The following MALRD1 variants were observed in gnomAD, a reference collection of about 807,000 sequenced individuals.
MALRD1 encodes MAM and LDL-receptor class A domain-containing protein 1.
A neutral mutation model predicts 242.1 loss-of-function variants in MALRD1; 247 were observed. The observed-to-expected ratio is 1.02, with a 90% CI of 0.92 to 1.13. The LOEUF (loss-of-function observed/expected upper bound fraction) is 1.13, where lower values mean the gene tolerates loss of function less well. Among genes scored for constraint, MALRD1 ranks in the 50% most tolerant of loss-of-function variants. The pLI is 0.00. For synonymous variants in MALRD1, 995 were observed against 866.6 expected (o/e 1.15, Z -2.60); for missense variants, 2,989 against 2,533.1 (o/e 1.18, Z -3.86).
intron 36 of MALRD1, among the ~76,000 whole-genome samples, chr10:19,676,858 T>A (rs1214226463): frequency 6.6e-6 from 1 of 152,148 alleles, no homozygotes; most frequent in Non-Finnish European, 1.5e-5. Flanking sequence ...GTTGTTCCCC[T>A]CCCTGAGTTC....
chr10:19,631,928 G>A (rs7905796), intron 36 of MALRD1, among the ~76,000 whole-genome samples: 21,885 of 152,152 alleles, frequency 0.14, 2,691 homozygotes, highest in African/African-American at 0.33. Flanking sequence ...CTCCCATTCT[G>A]TAGGATGTTT....
intron 14 of MALRD1, among the ~76,000 whole-genome samples, chr10:19,189,300 G>T (rs1399821296): frequency 1.3e-5 from 2 of 152,076 alleles, no homozygotes; most frequent in Admixed American, 1.3e-4. Flanking sequence ...CTAGCAAAGA[G>T]ATTTGATGAA....
intron 14 of MALRD1, among the ~76,000 whole-genome samples, chr10:19,183,766 G>C (rs192636549): frequency 1.3e-5 from 2 of 152,166 alleles, no homozygotes; most frequent in Non-Finnish European, 2.9e-5. Flanking sequence ...CTCAAGAACT[G>C]TTTGGGATAC....
At chr10:19,189,020 G>C (rs892554995) in intron 14 of MALRD1, among the ~76,000 whole-genome samples, 1 of 151,946 alleles carries the variant, frequency 6.6e-6, no homozygotes, top group South Asian at 2.1e-4. Flanking sequence ...AACCTTTAAC[G>C]AAATGGACCT....
intron 1 of MALRD1, among the ~76,000 whole-genome samples, chr10:19,062,406 A>G (rs539728007): frequency 6.6e-6 from 1 of 152,358 alleles, no homozygotes; most frequent in South Asian, 2.1e-4. Flanking sequence ...TTACCATATG[A>G]TATAGCATTT....
At chr10:19,435,676 T>G (rs933500383) in intron 28 of MALRD1, among the ~76,000 whole-genome samples, 1 of 152,158 alleles carries the variant, frequency 6.6e-6, no homozygotes, top group Admixed American at 6.6e-5. Flanking sequence ...AAGGTCATGG[T>G]TGATAGTAAC....
At chr10:19,267,630 T>G (rs1354011732) in intron 19 of MALRD1, among the ~76,000 whole-genome samples, 1 of 152,186 alleles carries the variant, frequency 6.6e-6, no homozygotes, top group Admixed American at 6.5e-5. Flanking sequence ...AGATATCACC[T>G]GCAGCTTTTC....
chr10:19,281,308 C>T (rs973650470), intron 20 of MALRD1, among the ~76,000 whole-genome samples: 3 of 152,038 alleles, frequency 2.0e-5, no homozygotes, highest in African/African-American at 7.2e-5. Context: ...ATTCGAATCC[C>T]CTTATGATCT....
At chr10:19,082,472 A>T (rs1409623988) in intron 2 of MALRD1, among the ~76,000 whole-genome samples, 1 of 151,872 alleles carries the variant, frequency 6.6e-6, no homozygotes, top group Admixed American at 6.6e-5. Context: ...ATGACACATT[A>T]TTCTTATGAT....
At chr10:19,259,807 G>A (rs1429466286) in intron 19 of MALRD1, among the ~76,000 whole-genome samples, 2 of 152,100 alleles carry the variant, frequency 1.3e-5, no homozygotes, top group African/African-American at 2.4e-5. Flanking sequence ...CTTCTTCAGG[G>A]AAGCCTCCTC....
intron 28 of MALRD1, among the ~76,000 whole-genome samples, chr10:19,444,763 T>G (rs897024718): frequency 2.0e-5 from 3 of 152,218 alleles, no homozygotes; most frequent in African/African-American, 7.2e-5. Flanking sequence ...ATTTCAACTT[T>G]GGTGTATCTG....
rs1834404070 is a variant in MALRD1 at position 19,048,817 on chromosome 10, A to G, written c.-122A>G. Reference sequence around the variant, plus strand: ...TAATTTGTTAGAGTTGCAGATAGTTACCAATAGTATCCAGTTATAAGAAGC... The same window carrying G: ...TAATTTGTTAGAGTTGCAGATAGTTGCCAATAGTATCCAGTTATAAGAAGC... On this transcript the variant is annotated 5_prime_UTR_variant, in exon 1 of 40. Coordinates refer to ENST00000454679, the MANE Select transcript of MALRD1 (RefSeq NM_001142308.3). The G allele has an allele frequency of 5.9e-6, 4 of 682,288 alleles. No individual in the cohort carries two copies. The highest frequency in any genetic ancestry group is 1.9e-5 in the African/African-American group (1 of 53,950). The allele number at this position is 682,288 out of a possible 1,614,324, so 42.3% of individuals were successfully genotyped here.
intron 28 of MALRD1, among the ~76,000 whole-genome samples, chr10:19,411,568 A>G (rs78903340): frequency 0.046 from 7,069 of 152,278 alleles, 213 homozygotes; most frequent in East Asian, 0.094. Flanking sequence ...ACTAAGTTAC[A>G]GAGAACTCAT....
At chr10:19,172,203 A>G (rs1305971657) in intron 13 of MALRD1, among the ~76,000 whole-genome samples, 1 of 148,460 alleles carries the variant, frequency 6.7e-6, no homozygotes, top group Non-Finnish European at 1.5e-5. Context: ...ACACATATAT[A>G]TATGTATATG....
intron 26 of MALRD1, among the ~76,000 whole-genome samples, chr10:19,377,904 A>G (rs766395583): frequency 6.6e-6 from 1 of 152,098 alleles, no homozygotes; most frequent in Non-Finnish European, 1.5e-5. Context: ...GCCCAGTTCT[A>G]TGAAATACCA....
chr10:19,273,406 T>C (rs201375250), intron 19 of MALRD1, among the ~76,000 whole-genome samples: 1 of 152,196 alleles, frequency 6.6e-6, no homozygotes, highest in Admixed American at 6.5e-5. Flanking sequence ...CCCAAATGAG[T>C]ATATTCACAC....
At chr10:19,137,929 G>A (rs920499852) in intron 10 of MALRD1, among the ~76,000 whole-genome samples, 26 of 152,144 alleles carry the variant, frequency 1.7e-4, no homozygotes, top group African/African-American at 1.4e-4. Context: ...AAAATTTGAC[G>A]TTTATTTTAC....
chr10:19,689,603 T>G (rs1842738785), intron 36 of MALRD1, among the ~76,000 whole-genome samples: 1 of 152,136 alleles, frequency 6.6e-6, no homozygotes, highest in South Asian at 2.1e-4. Flanking sequence ...GTTTCTACCT[T>G]ACAAAGTCAA....
At chr10:19,125,356 T>C (rs183940954) in intron 7 of MALRD1, among the ~76,000 whole-genome samples, 3,875 of 113,760 alleles carry the variant, frequency 0.034, 245 homozygotes, top group Admixed American at 0.17. Context: ...TTTCTTTCTT[T>C]CTTTCTTTCT....
Sources: allele counts gnomAD v4.1 joint callset (sites outside exome capture counted in the v4.1 genomes callset), GRCh38; gene constraint gnomAD v4.1.1; transcripts MANE v1.5; gene names NCBI Gene and HGNC (gene_info 2026-07-23, HGNC 2026-07-21).